The following ROBO2 variants were observed in gnomAD, a reference collection of about 807,000 sequenced individuals.
ROBO2 encodes roundabout guidance receptor 2, also known as roundabout homolog 2.
In ROBO2, 53 loss-of-function variants were observed where a neutral mutation model predicts 160.8. The observed-to-expected ratio is 0.33, with a 90% CI of 0.26 to 0.41. The LOEUF is 0.41. ROBO2 is among the 10% of genes least tolerant of loss of function. ROBO2 has a pLI of 1.00. For synonymous variants in ROBO2, 664 were observed against 611.7 expected (o/e 1.09, Z -1.26); for missense variants, 1,577 against 1,722.4 (o/e 0.92, Z 1.49).
intron 2 of ROBO2, among the ~76,000 whole-genome samples, chr3:76,389,770 ACAT>A (rs2077060078): frequency 6.6e-6 from 1 of 152,064 alleles, no homozygotes; most frequent in Non-Finnish European, 1.5e-5. Context: ...TTCCTTTGTT[ACAT>A]ACATCTATAT....
chr3:77,082,194 G>T (rs1310970591), intron 1 of ROBO2, among the ~76,000 whole-genome samples: 1 of 152,178 alleles, frequency 6.6e-6, no homozygotes, highest in Non-Finnish European at 1.5e-5. Flanking sequence ...ACTTCTTGTA[G>T]TAAAGAAAAA....
intron 2 of ROBO2, among the ~76,000 whole-genome samples, chr3:76,760,955 T>C (rs9814580): frequency 0.02 from 2,977 of 151,808 alleles, 93 homozygotes; most frequent in African/African-American, 0.067. Context: ...TTTAAGTATT[T>C]GATTGGAAAA....
intron 2 of ROBO2, among the ~76,000 whole-genome samples, chr3:76,800,959 T>G (rs2064151182): frequency 6.6e-6 from 1 of 152,234 alleles, no homozygotes; most frequent in Non-Finnish European, 1.5e-5. Flanking sequence ...CCATATTTAT[T>G]GTAGCACTAT....
intron 2 of ROBO2, among the ~76,000 whole-genome samples, chr3:77,160,331 GA>G (rs1156632354): frequency 6.6e-6 from 1 of 151,858 alleles, no homozygotes; most frequent in Non-Finnish European, 1.5e-5. Flanking sequence ...TTGAAAGAAA[GA>G]ATGATAATTA....
intron 2 of ROBO2, among the ~76,000 whole-genome samples, chr3:76,444,378 A>G (rs1187175366): frequency 6.6e-6 from 1 of 152,156 alleles, no homozygotes; most frequent in Non-Finnish European, 1.5e-5. Context: ...AATTCTAAAT[A>G]TTTTCCAAAA....
At chr3:76,559,464 A>T (rs543826975) in intron 2 of ROBO2, among the ~76,000 whole-genome samples, 1 of 152,236 alleles carries the variant, frequency 6.6e-6, no homozygotes, top group South Asian at 2.1e-4. Context: ...CGTTTTAACC[A>T]ATCAACCAAT....
At chr3:76,067,953 A>G (rs1019173042) in intron 2 of ROBO2, among the ~76,000 whole-genome samples, 1 of 152,228 alleles carries the variant, frequency 6.6e-6, no homozygotes, top group Non-Finnish European at 1.5e-5. Flanking sequence ...GTGTTCTCTT[A>G]AAATCTATTA....
intron 1 of ROBO2, among the ~76,000 whole-genome samples, chr3:77,087,780 A>G (rs893864216): frequency 5.9e-5 from 9 of 152,070 alleles, no homozygotes; most frequent in African/African-American, 2.2e-4. Context: ...ATGTATATAT[A>G]CATATATGTA....
chr3:77,590,969 G>A (rs1559679945), intron 17 of ROBO2, among the ~76,000 whole-genome samples: 2 of 152,018 alleles, frequency 1.3e-5, no homozygotes, highest in African/African-American at 4.8e-5. Context: ...CAGGTGTTTT[G>A]GAGTAAGGCC....
intron 2 of ROBO2, among the ~76,000 whole-genome samples, chr3:76,336,871 TTAAGTA>T (rs1286175839): frequency 2.0e-5 from 3 of 152,274 alleles, no homozygotes; most frequent in Admixed American, 2.0e-4. Flanking sequence ...ATGAACTACT[TTAAGTA>T]TATATTTAAT....
At chr3:77,463,175 G>A (rs2082417114) in intron 2 of ROBO2, among the ~76,000 whole-genome samples, 5 of 152,090 alleles carry the variant, frequency 3.3e-5, no homozygotes, top group Admixed American at 3.3e-4. Flanking sequence ...TAAAAAGTGG[G>A]TGATTGAGAA....
At chr3:77,331,286 G>A (rs2065938393) in intron 2 of ROBO2, among the ~76,000 whole-genome samples, 1 of 152,180 alleles carries the variant, frequency 6.6e-6, no homozygotes, top group Non-Finnish European at 1.5e-5. Context: ...ATTCATCAAT[G>A]CCATCTTAGG....
intron 2 of ROBO2, among the ~76,000 whole-genome samples, chr3:77,431,523 C>A (rs1009957233): frequency 6.6e-6 from 1 of 152,110 alleles, no homozygotes; most frequent in African/African-American, 2.4e-5. Context: ...CTCTTTTCAG[C>A]TTTTAGTGAT....
intron 2 of ROBO2, among the ~76,000 whole-genome samples, chr3:76,632,055 T>C (rs537830070): frequency 2.0e-5 from 3 of 152,350 alleles, no homozygotes; most frequent in African/African-American, 7.2e-5. Flanking sequence ...CACATCCTAA[T>C]AGTGAGTTGA....
intron 1 of ROBO2, among the ~76,000 whole-genome samples, chr3:75,918,464 C>T (rs1385557052): frequency 2.0e-5 from 3 of 152,116 alleles, no homozygotes; most frequent in South Asian, 2.1e-4. Flanking sequence ...AGTCAGGCAG[C>T]GTCATGCCTC....
chr3:76,986,473 A>C (rs1338700018), intron 2 of ROBO2, among the ~76,000 whole-genome samples: 2 of 152,030 alleles, frequency 1.3e-5, no homozygotes, highest in Admixed American at 6.5e-5. Flanking sequence ...CCTATTACTC[A>C]TTGCCAGAAT....
intron 1 of ROBO2, among the ~76,000 whole-genome samples, chr3:77,067,487 A>C (rs1440698707): frequency 6.6e-6 from 1 of 152,202 alleles, no homozygotes; most frequent in Non-Finnish European, 1.5e-5. Flanking sequence ...TGTGTCATAT[A>C]TGTGTCTCTA....
chr3:76,581,220 G>A (rs2085681640), intron 2 of ROBO2, among the ~76,000 whole-genome samples: 1 of 152,102 alleles, frequency 6.6e-6, no homozygotes, highest in Non-Finnish European at 1.5e-5. Flanking sequence ...GTATAAGTTT[G>A]TATTCAAGTG....
chr3:76,991,600 G>A (rs138603367), intron 2 of ROBO2, among the ~76,000 whole-genome samples: 5 of 152,218 alleles, frequency 3.3e-5, no homozygotes, highest in Admixed American at 2.6e-4. Flanking sequence ...CTTTCATTAC[G>A]TTTTGAAGAG....
Sources: gnomAD v4.1 joint callset for allele counts (sites outside exome capture counted in the v4.1 genomes callset) on GRCh38, gnomAD v4.1.1 for gene constraint, MANE v1.5 for transcripts, NCBI Gene and HGNC (gene_info 2026-07-23, HGNC 2026-07-21) for gene names.